NUDT13: variants seen among roughly 807,000 people sequenced by gnomAD.
NUDT13 encodes the protein NAD(P)H pyrophosphatase NUDT13, mitochondrial.
Under a neutral mutation model 41.7 loss-of-function variants are expected in NUDT13, and 40 were observed. That is an observed-to-expected ratio of 0.96 (90% CI 0.75 to 1.25). The LOEUF (loss-of-function observed/expected upper bound fraction) is 1.25, where lower values mean the gene tolerates loss of function less well. Among genes scored for constraint, NUDT13 ranks in the 50% most tolerant of loss-of-function variants. The probability of loss-of-function intolerance (pLI) is 0.00; values close to 1 mark genes in which losing one functional copy is unlikely to be tolerated. For missense variants in NUDT13, 390 were observed against 416.1 expected (o/e 0.94, Z 0.55); for synonymous variants, 145 against 155.5 (o/e 0.93, Z 0.50).
intron 7 of NUDT13, 84 bp from the exon 8 acceptor site, chr10:73,126,589 G>C: frequency 2.1e-6 from 3 of 1,454,118 alleles, no homozygotes; most frequent in Non-Finnish European, 2.8e-6. Context: ...TTTGGAGCCA[G>C]TGTTGTGCAC....
intron 7 of NUDT13, 180 bp from the exon 8 acceptor site, chr10:73,126,493 T>G (rs573369794): frequency 3.4e-4 from 185 of 552,218 alleles, no homozygotes; most frequent in Admixed American, 3.2e-3. Context: ...TTAAGCACTG[T>G]GGTTCAACAC....
rs747091594 is a variant in NUDT13 at position 73,125,441 on chromosome 10, G to A, written c.635G>A (p.Cys212Tyr). Residue 212 changes from cysteine to tyrosine, a missense_variant, in exon 7 of 9, where the codon TGC becomes TAC. By Grantham distance (194) the Cys-to-Tyr change is radical. Coordinates refer to ENST00000357321, the MANE Select transcript of NUDT13 (RefSeq NM_015901.6). ...AITLVSDGTR[C>Y]LLARQSSFPK... ...ACGCTGGTGTCAGATGGGACCCGAT[G>A]CCTGCTTGCCCGCCAAAGCTCCTTT... is the stretch of plus-strand genomic sequence containing the variant. The A allele has an allele frequency of 1.9e-6, 3 of 1,613,202 alleles. No homozygotes were observed. Among genetic ancestry groups the A allele is most frequent in the Non-Finnish European group, 2.5e-6 (3 of 1,179,714 alleles).
At chr10:73,127,793 A>C (rs531502822) in intron 8 of NUDT13, among the ~76,000 whole-genome samples, 1 of 150,452 alleles carries the variant, frequency 6.6e-6, no homozygotes, top group East Asian at 2.0e-4. Flanking sequence ...TTCTCTTAGC[A>C]AATTTTTATG....
intron 8 of NUDT13, 178 bp from the exon 9 acceptor site, chr10:73,130,525 T>C (rs1055677383): frequency 4.0e-5 from 20 of 493,992 alleles, no homozygotes; most frequent in Non-Finnish European, 7.0e-5. Flanking sequence ...TCTCATTTCT[T>C]AATTATGCCT....
At chr10:73,122,620 G>A (rs2133218682) in intron 4 of NUDT13, among the ~76,000 whole-genome samples, 1 of 152,106 alleles carries the variant, frequency 6.6e-6, no homozygotes, top group South Asian at 2.1e-4. Flanking sequence ...CACCCAGGCT[G>A]GAGTGCAGTG....
At chr10:73,117,260 G>T (rs987529094) in intron 2 of NUDT13, among the ~76,000 whole-genome samples, 1 of 151,690 alleles carries the variant, frequency 6.6e-6, no homozygotes, top group Non-Finnish European at 1.5e-5. Flanking sequence ...ATTTAAGAAT[G>T]AATAAAAATA....
intron 3 of NUDT13, among the ~76,000 whole-genome samples, chr10:73,121,680 T>A (rs1842649169): frequency 6.6e-6 from 1 of 152,152 alleles, no homozygotes; most frequent in Admixed American, 6.5e-5. Context: ...CATCTCTGCC[T>A]CCCAAGTTTT....
intron 8 of NUDT13, among the ~76,000 whole-genome samples, chr10:73,129,166 T>C (rs1465447687): frequency 7.0e-6 from 1 of 142,564 alleles, no homozygotes; most frequent in Non-Finnish European, 1.5e-5. Flanking sequence ...TAAGACGTTG[T>C]CTTTTTTTTT....
rs1198910337 is a variant in NUDT13, at chr10:73,131,154, G to A, written c.*251G>A. ...ACTGTCAAAAATCAGGGGGAAGGGG[G>A]AAGCATTAGTTTGGATGTAGGCCCT... On this transcript the variant is annotated 3_prime_UTR_variant, in exon 9 of 9. Transcript: ENST00000357321. The A allele has an allele frequency of 7.7e-6, 3 of 387,678 alleles. No homozygotes were observed. The highest frequency in any genetic ancestry group is 2.0e-5 in the African/African-American group (1 of 48,960). 24.0% of individuals were successfully genotyped at this position (387,678 alleles called of 1,614,324 possible). A position where few individuals can be genotyped will look rare whatever the true frequency, so the allele number is the denominator to read the frequency against.
intron 1 of NUDT13, among the ~76,000 whole-genome samples, chr10:73,111,210 C>T (rs1261433594): frequency 6.6e-6 from 1 of 152,098 alleles, no homozygotes; most frequent in Non-Finnish European, 1.5e-5. Context: ...GATCTCCTGA[C>T]CTCGTGATCC....
chr10:73,111,096 A>C (rs11000523), intron 1 of NUDT13, among the ~76,000 whole-genome samples: 23,844 of 149,572 alleles, frequency 0.16, 3,088 homozygotes, highest in African/African-American at 0.34. Flanking sequence ...CCTGCCTCAT[A>C]CTCCCTAGTA....
intron 8 of NUDT13, among the ~76,000 whole-genome samples, chr10:73,127,514 T>G (rs1842816814): frequency 6.6e-6 from 1 of 151,842 alleles, no homozygotes; most frequent in Non-Finnish European, 1.5e-5. Flanking sequence ...TTTATTTTAT[T>G]TTTTTTGAGA....
chr10:73,131,116 T>C lies in NUDT13; in HGVS notation c.*213T>C. On this transcript the variant is annotated 3_prime_UTR_variant, in exon 9 of 9. Coordinates refer to ENST00000357321, the MANE Select transcript of NUDT13 (RefSeq NM_015901.6). Reference sequence around the variant, plus strand: ...AAAAAAGCCAGTGTGAGAAGAAAACTGATGAGCTGTCAACTGTCAAAAATC... The same window carrying C: ...AAAAAAGCCAGTGTGAGAAGAAAACCGATGAGCTGTCAACTGTCAAAAATC... 1 of 451,310 alleles carries C rather than the reference T, an allele frequency of 2.2e-6. No individual in the cohort carries two copies. The highest frequency in any genetic ancestry group is 4.0e-5 in the East Asian group (1 of 24,738). 28.0% of individuals were successfully genotyped at this position (451,310 alleles called of 1,614,324 possible). A position where few individuals can be genotyped will look rare whatever the true frequency, so the allele number is the denominator to read the frequency against.
intron 2 of NUDT13, among the ~76,000 whole-genome samples, chr10:73,118,771 G>A (rs1389098551): frequency 3.9e-5 from 6 of 152,036 alleles, no homozygotes; most frequent in African/African-American, 1.2e-4. Flanking sequence ...TCAGGAGTTC[G>A]AAACCAGCCT....
chr10:73,116,723 T>TAG (rs1158509833), intron 2 of NUDT13, among the ~76,000 whole-genome samples: 1 of 151,914 alleles, frequency 6.6e-6, no homozygotes, highest in Non-Finnish European at 1.5e-5. Context: ...GCCTGCATGA[T>TAG]AGAGTGAGAC....
rs759357652 is a variant in NUDT13 at position 73,122,307 on chromosome 10, G to C, written c.356G>C (p.Ser119Thr). The change falls in exon 4 of 9, where the codon AGT (serine) becomes ACT (threonine). Residue 119 changes from serine to threonine, a missense_variant and splice_region_variant. Physicochemically the swap from Ser to Thr is moderately conservative, Grantham distance 58 (BLOSUM62 1). Transcript: ENST00000357321. The part of the protein sequence containing the change: ...DLGLDSSFSI[S>T]ASLHKPEMET... ...GGTCTGGATAGCTCCTTTTCCATAA[G>C]TGGTACATGACATTATTCCTAACGG... 6.2e-7 allele frequency: 1 copy of C among 1,612,812 alleles called. No homozygotes were observed. Among genetic ancestry groups the C allele is most frequent in the African/African-American group, 1.3e-5 (1 of 74,836 alleles).
At chr10:73,122,039 A>C in intron 3 of NUDT13, 136 bp from the exon 4 acceptor site, 7 of 888,618 alleles carry the variant, frequency 7.9e-6, no homozygotes, top group Non-Finnish European at 1.2e-5. Flanking sequence ...TTACATAGCT[A>C]ATTAGCTGCA....
At chr10:73,125,317 C>G in intron 6 of NUDT13, 74 bp downstream of exon 6, 1 of 1,599,460 alleles carries the variant, frequency 6.3e-7, no homozygotes, top group Non-Finnish European at 8.5e-7. Context: ...GAAGCCTGTG[C>G]AATTCCTTAA....
chr10:73,126,708 G>T lies in NUDT13; in HGVS notation c.739G>T (p.Ala247Ser). ...GGAAGAGACCATCCGCCGAGAAGTT[G>T]CAGAAGAGGTGGGATTGGAGGTGGA... ...SVEETIRREV[A>S]EEVGLEVESL... The change falls in exon 8 of 9, where the codon GCA becomes TCA. Residue 247 changes from alanine to serine, a missense_variant. Transcript: ENST00000357321. 6.2e-7 allele frequency: 1 copy of T among 1,614,170 alleles called. No individual in the cohort carries two copies. Among genetic ancestry groups the T allele is most frequent in the Non-Finnish European group, 8.5e-7 (1 of 1,180,008 alleles).
Sources: allele counts gnomAD v4.1 joint callset (sites outside exome capture counted in the v4.1 genomes callset), GRCh38; gene constraint gnomAD v4.1.1; transcripts MANE v1.5; gene names NCBI Gene and HGNC (gene_info 2026-07-23, HGNC 2026-07-21).